Variants in CFAP43 observed in about 807,000 individuals in gnomAD.
CFAP43 encodes the protein cilia and flagella associated protein 43.
Under a neutral mutation model 218.9 loss-of-function variants are expected in CFAP43, and 155 were observed. That is an observed-to-expected ratio of 0.71 (90% CI 0.62 to 0.81). The LOEUF (loss-of-function observed/expected upper bound fraction) is 0.81. Ranked by LOEUF, CFAP43 falls within the 30% of genes least tolerant of loss-of-function variation. The probability of loss-of-function intolerance (pLI) is 0.00; values close to 1 mark genes in which losing one functional copy is unlikely to be tolerated. For missense variants in CFAP43, 1,778 were observed against 1,954.3 expected (o/e 0.91, Z 1.70); for synonymous variants, 645 against 681.3 (o/e 0.95, Z 0.83).
chr10:104,193,819 C>A lies in CFAP43; in HGVS notation c.1442+47G>T, dbSNP rs749094615. 9 of 1,575,040 alleles carry A rather than the reference C, an allele frequency of 5.7e-6. No homozygotes were observed. In the South Asian group the frequency reaches 1.0e-4, roughly 18 times the overall value. On this transcript the variant is annotated intron_variant, in intron 11 of 37. Coordinates refer to ENST00000357060, the MANE Select transcript of CFAP43 (RefSeq NM_025145.7). ...AGGATGGCTTCACTAGAATTTTCAA[C>A]AGACGGGTGTGACACGGAGCCGCTC...
At chr10:104,214,617 CTA>C (rs1407846130) in intron 3 of CFAP43, among the ~76,000 whole-genome samples, 191 bp from the exon 4 acceptor site, 5 of 152,050 alleles carry the variant, frequency 3.3e-5, no homozygotes, top group Non-Finnish European at 5.9e-5. Flanking sequence ...AGCAAAAAAA[CTA>C]TGTTTTAAAA....
chr10:104,161,290 C>A, intron 26 of CFAP43, 128 bp from the exon 27 acceptor site: 1 of 985,078 alleles, frequency 1.0e-6, no homozygotes, highest in Non-Finnish European at 1.4e-6. Context: ...AGGAAAACGA[C>A]CTGACATCTT....
At chr10:104,211,013 G>C (rs187563199) in intron 5 of CFAP43, among the ~76,000 whole-genome samples, 18 of 151,750 alleles carry the variant, frequency 1.2e-4, no homozygotes, top group Admixed American at 1.2e-3. Flanking sequence ...GGATGATCTC[G>C]ATCTCCTGAC....
rs17116635 is a variant in CFAP43 at position 104,186,084 on chromosome 10, C to T, written c.1900G>A (p.Val634Ile). 3.6e-3 allele frequency: 5,627 copies of T among 1,569,254 alleles called. 244 individuals are homozygous for T. In the East Asian group the frequency reaches 0.095, roughly 26 times the overall value. Reference sequence around the variant, plus strand: ...CCAGGTCCATACTGTCTGCTTTGTACTTTTTTGTATGGTTTAAGAATGTAG... The same window carrying T: ...CCAGGTCCATACTGTCTGCTTTGTATTTTTTTGTATGGTTTAAGAATGTAG... ...GIYILKPYKK[V>I]QSRQYGPGLL... The change falls in exon 15 of 38, where the codon GTA (valine) becomes ATA (isoleucine). Residue 634 changes from valine (V) to isoleucine (I), a missense_variant. Val to Ile is a conservative substitution (Grantham distance 29, BLOSUM62 3). Coordinates refer to ENST00000357060, the MANE Select transcript of CFAP43 (RefSeq NM_025145.7).
chr10:104,224,118 A>G (rs556675988), intron 3 of CFAP43, among the ~76,000 whole-genome samples: 1 of 152,102 alleles, frequency 6.6e-6, no homozygotes, highest in African/African-American at 2.4e-5. Flanking sequence ...ATCTCAGCTC[A>G]CTGCAAGCTC....
intron 27 of CFAP43, 109 bp from the exon 28 acceptor site, chr10:104,152,835 A>C: frequency 8.1e-7 from 1 of 1,227,942 alleles, no homozygotes; most frequent in South Asian, 1.5e-5. Context: ...CAGCCCTTGC[A>C]AGGTGTTCTG....
intron 34 of CFAP43, among the ~76,000 whole-genome samples, chr10:104,138,133 C>T (rs1414781813): frequency 1.3e-5 from 2 of 152,140 alleles, no homozygotes; most frequent in Non-Finnish European, 2.9e-5. Flanking sequence ...AACTCTACCT[C>T]AATTCAGGTG....
chr10:104,137,633 C>T (rs959317780), intron 34 of CFAP43, among the ~76,000 whole-genome samples: 3 of 152,024 alleles, frequency 2.0e-5, no homozygotes, highest in Non-Finnish European at 2.9e-5. Flanking sequence ...CATGGTGAAA[C>T]CCCATCTCTA....
At chr10:104,216,151 TAC>T (rs68032485) in intron 3 of CFAP43, among the ~76,000 whole-genome samples, 5,567 of 152,288 alleles carry the variant, frequency 0.037, 143 homozygotes, top group South Asian at 0.096. Context: ...CTTCCTCAGC[TAC>T]ACTTTCCTCA....
At chr10:104,178,263 C>CA (rs2089700356) in intron 19 of CFAP43, among the ~76,000 whole-genome samples, 1 of 151,982 alleles carries the variant, frequency 6.6e-6, no homozygotes, top group Non-Finnish European at 1.5e-5. Flanking sequence ...GGAGGTTGCC[C>CA]AAAAAATGCA....
Position 104,146,254 on chromosome 10 carries a change from A to T in CFAP43, c.3855+9T>A, listed in dbSNP as rs746556508. 1 of 1,611,022 alleles carries T rather than the reference A, an allele frequency of 6.2e-7. No individual in the cohort carries two copies. Among genetic ancestry groups the T allele is most frequent in the Non-Finnish European group, 8.5e-7 (1 of 1,177,438 alleles). ...TGCATTGTTGAGTGGGTAAGACAAC[A>T]ACTCTCACTTTGTCTTCTGCCAGTA... is the stretch of plus-strand genomic sequence containing the variant. On this transcript the variant is annotated intron_variant, in intron 30 of 37. Coordinates refer to ENST00000357060, the MANE Select transcript of CFAP43 (RefSeq NM_025145.7).
At chr10:104,224,922 A>T (rs1295103544) in intron 3 of CFAP43, among the ~76,000 whole-genome samples, 1 of 152,098 alleles carries the variant, frequency 6.6e-6, no homozygotes, top group Non-Finnish European at 1.5e-5. Context: ...GGCTTATATC[A>T]TGGATAGAAA....
intron 2 of CFAP43, among the ~76,000 whole-genome samples, chr10:104,227,075 GCCT>G (rs918994441): frequency 1.9e-4 from 29 of 152,080 alleles, no homozygotes; most frequent in Admixed American, 1.6e-3. Flanking sequence ...TCATAGTGTT[GCCT>G]CCTATTGGTT....
chr10:104,198,051 CAAAAG>C lies in CFAP43; in HGVS notation c.1096-18_1096-14del, dbSNP rs2090427615. 2.7e-6 allele frequency: 4 copies of C among 1,470,576 alleles called. No individual in the cohort carries two copies. Among genetic ancestry groups the C allele is most frequent in the Non-Finnish European group, 3.8e-6 (4 of 1,057,474 alleles). 91.1% of individuals were successfully genotyped at this position (1,470,576 alleles called of 1,614,324 possible). On this transcript the variant is annotated splice_polypyrimidine_tract_variant and intron_variant, in intron 8 of 37. Coordinates refer to ENST00000357060, the MANE Select transcript of CFAP43 (RefSeq NM_025145.7). ...TATAAACAGATCCCTGATAAACATA[CAAAAG>C]AAAAGAAACACATTGTAATTGTTGT...
rs80005017 is a variant in CFAP43 at position 104,228,742 on chromosome 10, T to C, written c.319+1848A>G. 9.0e-3 allele frequency among the ~76,000 whole-genome samples: 1,367 copies of C among 152,288 alleles called. 13 individuals are homozygous for C. Among genetic ancestry groups the C allele is most frequent in the African/African-American group, 0.032 (1,311 of 41,556 alleles). Reference sequence around the variant, plus strand: ...TTTTTTTGAATTATTTCTAAGTATGTATATGTTCTAATTGTATGGGTACTT... The same window carrying C: ...TTTTTTTGAATTATTTCTAAGTATGCATATGTTCTAATTGTATGGGTACTT... On this transcript the variant is annotated intron_variant, in intron 2 of 37. Transcript: ENST00000357060.
At chr10:104,218,124 G>A (rs568397765) in intron 3 of CFAP43, among the ~76,000 whole-genome samples, 7 of 152,152 alleles carry the variant, frequency 4.6e-5, no homozygotes, top group Admixed American at 1.3e-4. Flanking sequence ...TGAGGCGGGC[G>A]GCTCATGAGG....
At chr10:104,221,279 G>A (rs972848698) in intron 3 of CFAP43, among the ~76,000 whole-genome samples, 1 of 152,148 alleles carries the variant, frequency 6.6e-6, no homozygotes, top group Non-Finnish European at 1.5e-5. Flanking sequence ...CCAGCTGTGT[G>A]TGTGTTCTTT....
intron 27 of CFAP43, among the ~76,000 whole-genome samples, chr10:104,159,607 C>T (rs573947582): frequency 1.3e-5 from 2 of 152,230 alleles, no homozygotes; most frequent in Non-Finnish European, 2.9e-5. Flanking sequence ...AAGGCAGACG[C>T]CATGGATTCA....
In CFAP43 at chr10:104,227,024, T is replaced by C. The variant is rs2091321777; in HGVS notation, c.320-1467A>G. On this transcript the variant is annotated intron_variant, in intron 2 of 37. Coordinates refer to ENST00000357060, the MANE Select transcript of CFAP43 (RefSeq NM_025145.7). The stretch of plus-strand genomic sequence containing the variant: ...CAGAGCAAGACTCTGTCTCATCATA[T>C]ATATATAATATATGATAATCCATTT... 2.6e-5 allele frequency among the ~76,000 whole-genome samples: 4 copies of C among 152,184 alleles called. No homozygotes were observed. In the South Asian group the frequency reaches 8.3e-4, roughly 32 times the overall value.
Sources: allele counts gnomAD v4.1 joint callset (sites outside exome capture counted in the v4.1 genomes callset), GRCh38; gene constraint gnomAD v4.1.1; transcripts MANE v1.5; gene names NCBI Gene and HGNC (gene_info 2026-07-23, HGNC 2026-07-21).